The following SPTAN1 variants were observed in gnomAD, a reference collection of about 807,000 sequenced individuals.
SPTAN1 encodes spectrin alpha, non-erythrocytic 1.
A neutral mutation model predicts 331.3 loss-of-function variants in SPTAN1; 61 were observed. The ratio of observed to expected loss-of-function variants is 0.18; its 90% CI spans 0.15 to 0.23. The LOEUF (loss-of-function observed/expected upper bound fraction) is 0.23, where lower values mean the gene tolerates loss of function less well. SPTAN1 is among the 10% of genes least tolerant of loss of function. The probability of loss-of-function intolerance (pLI) is 1.00; values close to 1 mark genes in which losing one functional copy is unlikely to be tolerated. For missense variants in SPTAN1, 2,043 were observed against 3,147.9 expected (o/e 0.65, Z 8.40); for synonymous variants, 1,153 against 1,173.9 (o/e 0.98, Z 0.36).
chr9:128,616,273 A>G (rs1206669933), intron 41 of SPTAN1, among the ~76,000 whole-genome samples: 1 of 151,382 alleles, frequency 6.6e-6, no homozygotes, highest in Non-Finnish European at 1.5e-5. Context: ...GAATGCCACC[A>G]TGCCTGGCTA....
At chr9:128,630,609 A>C in intron 52 of SPTAN1, 1 of 387,896 alleles carries the variant, frequency 2.6e-6, no homozygotes, top group Non-Finnish European at 4.4e-6. Flanking sequence ...GGCTCACTGC[A>C]ACCTCCACCT....
At chr9:128,628,984 CCTG>C (rs1167483026) in intron 51 of SPTAN1, 2 of 394,122 alleles carry the variant, frequency 5.1e-6, no homozygotes, top group Non-Finnish European at 8.9e-6. Context: ...AACCACTGGG[CCTG>C]CTGCCTCCAG....
At chr9:128,626,010 C>A in intron 48 of SPTAN1, 32 bp downstream of exon 48, 1 of 1,610,824 alleles carries the variant, frequency 6.2e-7, no homozygotes, top group Non-Finnish European at 8.5e-7. Flanking sequence ...GCTTAGCTGG[C>A]CCACAGCTCA....
In SPTAN1 at chr9:128,604,418, G is replaced by GT. The variant is rs1855557641; in HGVS notation, c.3719+2dup. The GT allele has an allele frequency of 6.2e-7, 1 of 1,612,892 alleles. No individual in the cohort carries two copies. Among genetic ancestry groups the GT allele is most frequent in the African/African-American group, 1.3e-5 (1 of 74,938 alleles). Reference sequence around the variant, plus strand: ...CCCATGAAGTACAGAGGTTCCACAGGTGAGGGGTCAGCCCTGGGCTGGGAG... The same window carrying GT: ...CCCATGAAGTACAGAGGTTCCACAGGTTGAGGGGTCAGCCCTGGGCTGGGAG... On this transcript the variant is annotated splice_donor_variant, in intron 29 of 56. Coordinates refer to ENST00000372739, the MANE Select transcript of SPTAN1 (RefSeq NM_001130438.3). LOFTEE classifies it high-confidence loss of function.
intron 23 of SPTAN1, chr9:128,593,256 G>A (rs1186188979): frequency 1.6e-6 from 1 of 632,380 alleles, no homozygotes; most frequent in Non-Finnish European, 2.9e-6. Context: ...GCTTCCATGT[G>A]CAGCTGTGTG....
rs1857804967 is a variant in SPTAN1, at chr9:128,621,174, A to G, written c.5750A>G (p.His1917Arg). 4 of 1,614,066 alleles carry G rather than the reference A, an allele frequency of 2.5e-6. No homozygotes were observed. The highest frequency in any genetic ancestry group is 3.4e-6 in the Non-Finnish European group (4 of 1,180,042). ...LAAIQGLLKK[H>R]EAFETDFTVH... is the part of the protein sequence containing the mutation. ...CTACTCCAGGGCTTACTGAAGAAAC[A>G]TGAAGCTTTTGAGACAGACTTCACC... Residue 1917 changes from histidine to arginine, a missense_variant, in exon 45 of 57, where the codon CAT (histidine) becomes CGT (arginine). By Grantham distance (29) the His-to-Arg change is conservative (BLOSUM62 0). Around this residue, in one of 12 missense-constraint regions of SPTAN1, gnomAD observed 323 missense variants for 581.1 expected, o/e 0.56. Coordinates refer to ENST00000372739, the MANE Select transcript of SPTAN1 (RefSeq NM_001130438.3).
chr9:128,600,561 T>G (rs1015757525), intron 27 of SPTAN1, among the ~76,000 whole-genome samples: 13 of 152,248 alleles, frequency 8.5e-5, no homozygotes, highest in Non-Finnish European at 1.5e-4. Flanking sequence ...ATGAGATGTT[T>G]CCCCACTACA....
chr9:128,562,999 T>C (rs931257502), intron 1 of SPTAN1, among the ~76,000 whole-genome samples: 13 of 15,862 alleles, frequency 8.2e-4, no homozygotes, highest in Non-Finnish European at 2.8e-3. Context: ...TGTGTATATA[T>C]ATATATATAT....
rs78940490 is a variant in SPTAN1, at chr9:128,609,458, A to G, written c.4758+174A>G. 7.0e-3 allele frequency: 7,784 copies of G among 1,119,566 alleles called. 57 individuals are homozygous for G. The highest frequency in any genetic ancestry group is 7.6e-3 in the Non-Finnish European group (5,857 of 771,508). The allele number at this position is 1,119,566 out of a possible 1,614,324, so 69.4% of individuals were successfully genotyped here. On this transcript the variant is annotated intron_variant, in intron 36 of 56. Transcript: ENST00000372739. Reference sequence around the variant, plus strand: ...TAGTCAAGTTTCAGAGCCATTTAAAAGTTGCCTTCCTCATTTGTCTCCATT... The same window carrying G: ...TAGTCAAGTTTCAGAGCCATTTAAAGGTTGCCTTCCTCATTTGTCTCCATT...
At position 128,583,269 on chromosome 9, in the gene SPTAN1, A is replaced by T; in HGVS notation, c.1999A>T (p.Thr667Ser). Reference sequence around the variant, plus strand: ...TTTGTGGAAGAAACTGCTAGAGGCCACTGAACTGAAAGGTAAGAGATGTTC... The same window carrying T: ...TTTGTGGAAGAAACTGCTAGAGGCCTCTGAACTGAAAGGTAAGAGATGTTC... Reference protein sequence around the residue: ...ISLWKKLLEATELKGIKLREA... With the variant: ...ISLWKKLLEASELKGIKLREA... Residue 667 changes from threonine (T) to serine (S), a missense_variant, in exon 15 of 57, where the codon ACT becomes TCT. Thr to Ser is a moderately conservative substitution (Grantham distance 58, BLOSUM62 1). Transcript: ENST00000372739. 6.2e-7 allele frequency: 1 copy of T among 1,613,770 alleles called. No homozygotes were observed. Among genetic ancestry groups the T allele is most frequent in the Non-Finnish European group, 8.5e-7 (1 of 1,180,004 alleles).
chr9:128,586,042 T>A, intron 19 of SPTAN1, 77 bp downstream of exon 19: 1 of 1,289,076 alleles, frequency 7.8e-7, no homozygotes, highest in Non-Finnish European at 1.1e-6. Context: ...TTAGGAGAAG[T>A]AGTGATGCGC....
intron 13 of SPTAN1, 59 bp from the exon 14 acceptor site, chr9:128,582,635 A>T (rs1852085719): frequency 6.2e-7 from 1 of 1,611,164 alleles, no homozygotes; most frequent in Non-Finnish European, 8.5e-7. Flanking sequence ...AAGTCTCTTC[A>T]ACTGGATATC....
At position 128,594,207 on chromosome 9, in the gene SPTAN1, G is replaced by A. The variant is rs369611161; in HGVS notation, c.3248G>A (p.Arg1083His). 40 of 1,613,990 alleles carry A rather than the reference G, an allele frequency of 2.5e-5. No individual in the cohort carries two copies. Among genetic ancestry groups the A allele is most frequent in the Middle Eastern group, 1.6e-4 (1 of 6,084 alleles). The change falls in exon 24 of 57, where the codon CGT becomes CAT. Residue 1083 changes from arginine (R) to histidine (H), a missense_variant. By Grantham distance (29) the Arg-to-His change is conservative (BLOSUM62 0). Around this residue, in one of 12 missense-constraint regions of SPTAN1, gnomAD observed 1,038 missense variants for 1,531.5 expected, o/e 0.68. Coordinates refer to ENST00000372739, the MANE Select transcript of SPTAN1 (RefSeq NM_001130438.3). The stretch of plus-strand genomic sequence containing the variant: ...TCTCTGCTGGAACTGGGTGAGAAGC[G>A]TAAAGGCATGTTGGAGAAGAGTTGC... ...YHSLLELGEKRKGMLEKSCKK... is the reference protein window; with the variant it reads ...YHSLLELGEKHKGMLEKSCKK...
chr9:128,626,833 TC>T, intron 49 of SPTAN1, 146 bp downstream of exon 49: 2 of 1,010,002 alleles, frequency 2.0e-6, no homozygotes, highest in South Asian at 2.9e-5. Context: ...CTTTTTGTGT[TC>T]TTGAGGCAGG....
At chr9:128,626,302 C>A in intron 48 of SPTAN1, 89 bp from the exon 49 acceptor site, 2 of 1,513,340 alleles carry the variant, frequency 1.3e-6, no homozygotes, top group South Asian at 1.1e-5. Flanking sequence ...GCCTCTGATT[C>A]CCAGGAACCA....
chr9:128,609,195 A>G lies in SPTAN1; in HGVS notation c.4669A>G (p.Ser1557Gly). The G allele has an allele frequency of 6.2e-7, 1 of 1,614,236 alleles. No homozygotes were observed. Among genetic ancestry groups the G allele is most frequent in the Non-Finnish European group, 8.5e-7 (1 of 1,180,038 alleles). The change falls in exon 36 of 57, where the codon AGC becomes GGC. Residue 1557 changes from serine to glycine, a missense_variant. By Grantham distance (56) the Ser-to-Gly change is moderately conservative (BLOSUM62 0). Transcript: ENST00000372739. ...AGAATCTCAAACCCTCCAACAGTTC[A>G]GCCGGGATGTGGATGAGATTGAGGC... ...LGESQTLQQF[S>G]RDVDEIEAWI...
chr9:128,592,519 C>T (rs1296889648), intron 22 of SPTAN1, among the ~76,000 whole-genome samples: 1 of 152,218 alleles, frequency 6.6e-6, no homozygotes, highest in African/African-American at 2.4e-5. Flanking sequence ...GTGATCCGCC[C>T]GCCTTGGCCT....
In SPTAN1 at chr9:128,605,343, C is replaced by T. The variant is rs143844598; in HGVS notation, c.3912C>T (p.Pro1304=). ...CAGAGCGCCTGATCCAGTCCCATCC[C>T]GAGTCAGCAGAAGACCTGCAGGAAA... ...ETAERLIQSH[P]ESAEDLQEKC... The change falls in exon 31 of 57, where the codon CCC becomes CCT. Residue 1304 remains proline (P), a synonymous_variant. Transcript: ENST00000372739. The T allele has an allele frequency of 5.8e-4, 929 of 1,614,048 alleles. 2 individuals carry two copies. Among genetic ancestry groups the T allele is most frequent in the Non-Finnish European group, 7.2e-4 (846 of 1,180,054 alleles).
intron 24 of SPTAN1, 36 bp downstream of exon 24, chr9:128,594,409 T>C: frequency 1.4e-6 from 2 of 1,407,550 alleles, no homozygotes; most frequent in Non-Finnish European, 2.0e-6. Context: ...GAAAATTTGT[T>C]TAAAGATTTG....
Sources: gnomAD v4.1 joint callset for allele counts (sites outside exome capture counted in the v4.1 genomes callset) on GRCh38, gnomAD v4.1.1 for gene constraint, gnomAD v4.1.1 regional missense constraint, MANE v1.5 for transcripts, NCBI Gene and HGNC (gene_info 2026-07-23, HGNC 2026-07-21) for gene names.